SIPA1L2: variants seen among roughly 807,000 people sequenced by gnomAD.
The protein encoded by SIPA1L2 is signal-induced proliferation-associated 1-like protein 2.
Under a neutral mutation model 163.9 loss-of-function variants are expected in SIPA1L2, and 56 were observed. The observed-to-expected ratio is 0.34, with a 90% CI of 0.28 to 0.43. The LOEUF (loss-of-function observed/expected upper bound fraction) is 0.43, where lower values mean the gene tolerates loss of function less well. Ranked by LOEUF, SIPA1L2 falls within the 20% of genes least tolerant of loss-of-function variation. The pLI, the probability that SIPA1L2 is intolerant of heterozygous loss-of-function variation, is 1.00. For synonymous variants in SIPA1L2, 877 were observed against 865.7 expected, an observed-to-expected ratio of 1.01 and a Z score of -0.23; for missense variants, 1,974 against 2,193.5, an observed-to-expected ratio of 0.90 and a Z score of 2.00.
intron 1 of SIPA1L2, among the ~76,000 whole-genome samples, chr1:232,619,768 T>C (rs980602855): frequency 6.6e-6 from 1 of 152,164 alleles, no homozygotes; most frequent in Non-Finnish European, 1.5e-5. Flanking sequence ...TATTTTAAAA[T>C]TGGATTATAG....
chr1:232,402,261 T>A, intron 22 of SIPA1L2, 131 bp downstream of exon 22: 1 of 658,472 alleles, frequency 1.5e-6, no homozygotes, highest in South Asian at 2.0e-5. Flanking sequence ...CAGGAGCATC[T>A]GTTGGTATTT....
At position 232,402,580 on chromosome 1, in the gene SIPA1L2, A is replaced by G. The variant is rs557118133; in HGVS notation, c.4941-107T>C. ...TATTTCATGTGCTTAGAGCCCAGCA[A>G]GCAGATATATTATATTATGTCAGAA... On this transcript the variant is annotated intron_variant, in intron 21 of 22. Transcript: ENST00000674635. 3 of 835,922 alleles carry G rather than the reference A, an allele frequency of 3.6e-6. No individual in the cohort carries two copies. In the South Asian group the frequency reaches 5.1e-5, roughly 14 times the overall value. The allele number at this position is 835,922 out of a possible 1,614,324, so 51.8% of individuals were successfully genotyped here. A position where few individuals can be genotyped will look rare whatever the true frequency, so the allele number is the denominator to read the frequency against.
At chr1:232,608,785 CCA>C (rs1662097392) in intron 1 of SIPA1L2, among the ~76,000 whole-genome samples, 1 of 152,044 alleles carries the variant, frequency 6.6e-6, no homozygotes, top group Non-Finnish European at 1.5e-5. Flanking sequence ...ACAGAGGAAA[CCA>C]CATACAGTGG....
intron 19 of SIPA1L2, among the ~76,000 whole-genome samples, chr1:232,405,042 C>G (rs1285937577): frequency 6.6e-6 from 1 of 152,222 alleles, no homozygotes; most frequent in African/African-American, 2.4e-5. Context: ...GGCTGCTGGA[C>G]AAGCCTCCTA....
At chr1:232,399,818 G>A (rs1468047792) in intron 22 of SIPA1L2, among the ~76,000 whole-genome samples, 1 of 152,100 alleles carries the variant, frequency 6.6e-6, no homozygotes, top group Non-Finnish European at 1.5e-5. Context: ...CCAACATGTA[G>A]CAATAAAAAA....
At chr1:232,450,517 C>G (rs1663509910) in intron 10 of SIPA1L2, among the ~76,000 whole-genome samples, 1 of 152,214 alleles carries the variant, frequency 6.6e-6, no homozygotes, top group African/African-American at 2.4e-5. Flanking sequence ...GAACACCAGG[C>G]TTTGGTGTCT....
Position 232,626,230 on chromosome 1 carries a change from C to CTTTTTTTT in SIPA1L2, c.-319+3631_-319+3638dup, listed in dbSNP as rs56703620. On this transcript the variant is annotated intron_variant, in intron 1 of 22. Transcript: ENST00000674635. ...CATATCTGACAATCCCTAATATTTG[C>CTTTTTTTT]TTTTTTTTTTTTTTTTCATTTTACA... Among the ~76,000 whole-genome samples, 13 of 133,710 alleles carry CTTTTTTTT rather than the reference C, an allele frequency of 9.7e-5. 1 individual carries two copies. The highest frequency in any genetic ancestry group is 7.6e-5 in the Admixed American group (1 of 13,192). 87.7% of individuals were successfully genotyped at this position (133,710 alleles called of 152,430 possible). A position where few individuals can be genotyped will look rare whatever the true frequency, so the allele number is the denominator to read the frequency against.
intron 3 of SIPA1L2, among the ~76,000 whole-genome samples, chr1:232,511,656 G>C (rs1403648547): frequency 6.6e-6 from 1 of 152,122 alleles, no homozygotes. Flanking sequence ...CCTAAGGTCT[G>C]TGTTACCCAC....
intron 1 of SIPA1L2, among the ~76,000 whole-genome samples, chr1:232,589,327 C>T (rs948261941): frequency 3.3e-5 from 5 of 152,212 alleles, no homozygotes; most frequent in Non-Finnish European, 5.9e-5. Flanking sequence ...TGTAACACTA[C>T]GGTAACACAG....
chr1:232,570,371 G>T (rs1268856392), intron 2 of SIPA1L2, among the ~76,000 whole-genome samples: 2 of 152,222 alleles, frequency 1.3e-5, no homozygotes, highest in Non-Finnish European at 2.9e-5. Context: ...CAACAAGTCA[G>T]TAATTAAATA....
At chr1:232,552,101 A>G (rs1440306632) in intron 2 of SIPA1L2, among the ~76,000 whole-genome samples, 2 of 152,130 alleles carry the variant, frequency 1.3e-5, no homozygotes, top group Non-Finnish European at 2.9e-5. Context: ...CGGCCTCCCA[A>G]AGTGCTGGGA....
At position 232,431,805 on chromosome 1, in the gene SIPA1L2, C is replaced by G. The variant is rs78127311; in HGVS notation, c.4256+442G>C. Among the ~76,000 whole-genome samples, 5,658 of 152,284 alleles carry G rather than the reference C, an allele frequency of 0.037. 629 individuals are homozygous for G. The East Asian group carries it at 0.43, about 12-fold the overall frequency. On this transcript the variant is annotated intron_variant, in intron 16 of 22. Coordinates refer to ENST00000674635, the MANE Select transcript of SIPA1L2 (RefSeq NM_020808.5). ...TTTCCTACGTGCCCACCACGCCCCC[C>G]TCAACCTCAAACCTAACAACTAAAA... is the stretch of plus-strand genomic sequence containing the variant.
chr1:232,487,955 C>A (rs958379961), intron 5 of SIPA1L2, among the ~76,000 whole-genome samples: 2 of 145,812 alleles, frequency 1.4e-5, no homozygotes, highest in South Asian at 4.3e-4. Context: ...CACACACACA[C>A]GCACACATAT....
chr1:232,571,186 T>G (rs1659703889), intron 2 of SIPA1L2, among the ~76,000 whole-genome samples: 1 of 152,130 alleles, frequency 6.6e-6, no homozygotes, highest in African/African-American at 2.4e-5. Flanking sequence ...CAAATACAAG[T>G]GGTCAATAAG....
At chr1:232,587,905 A>G (rs6424236) in intron 1 of SIPA1L2, among the ~76,000 whole-genome samples, 50,212 of 152,006 alleles carry the variant, frequency 0.33, 8,828 homozygotes, top group East Asian at 0.65. Flanking sequence ...CTCTTCTCTT[A>G]TCTGCCGCCA....
At chr1:232,587,027 G>T (rs1258413834) in intron 1 of SIPA1L2, among the ~76,000 whole-genome samples, 1 of 152,180 alleles carries the variant, frequency 6.6e-6, no homozygotes, top group East Asian at 1.9e-4. Flanking sequence ...ATCACAGGAA[G>T]GTGGGATGGG....
At chr1:232,459,770 C>T (rs1232272280) in intron 10 of SIPA1L2, among the ~76,000 whole-genome samples, 7 of 152,178 alleles carry the variant, frequency 4.6e-5, no homozygotes, top group Non-Finnish European at 2.9e-5. Flanking sequence ...ACCTCGACCT[C>T]CCAAAGTGCT....
intron 1 of SIPA1L2, among the ~76,000 whole-genome samples, chr1:232,586,743 A>G (rs1031019456): frequency 2.6e-5 from 4 of 152,258 alleles, no homozygotes; most frequent in African/African-American, 7.2e-5. Flanking sequence ...AGCAAACATC[A>G]TCACTACCTA....
At chr1:232,513,111 C>T (rs1667058357) in intron 3 of SIPA1L2, among the ~76,000 whole-genome samples, 1 of 152,202 alleles carries the variant, frequency 6.6e-6, no homozygotes, top group South Asian at 2.1e-4. Context: ...GTGTTACTGA[C>T]ACATGTGGAA....
Sources: gnomAD v4.1 joint callset for allele counts (sites outside exome capture counted in the v4.1 genomes callset) on GRCh38, gnomAD v4.1.1 for gene constraint, MANE v1.5 for transcripts, NCBI Gene and HGNC (gene_info 2026-07-23, HGNC 2026-07-21) for gene names.